TNR: variants seen among roughly 807,000 people sequenced by gnomAD.
TNR encodes the protein tenascin-R.
In TNR, 45 loss-of-function variants were observed where a neutral mutation model predicts 150.4. The observed-to-expected ratio is 0.30, with a 90% CI of 0.24 to 0.38. TNR has a LOEUF of 0.38. Among genes scored for constraint, TNR ranks in the 10% least tolerant of loss-of-function variants. TNR has a pLI of 1.00. For missense variants in TNR, 1,544 were observed against 1,759.1 expected (o/e 0.88, Z 2.19); for synonymous variants, 687 against 678.4 (o/e 1.01, Z -0.20).
chr1:175,666,149 T>C (rs1481789048), intron 1 of TNR, among the ~76,000 whole-genome samples: 3 of 152,222 alleles, frequency 2.0e-5, no homozygotes, highest in African/African-American at 7.2e-5. Flanking sequence ...GTATTATTTA[T>C]TGTACCCATT....
At chr1:175,582,319 CA>C (rs953686011) in intron 1 of TNR, among the ~76,000 whole-genome samples, 1 of 152,150 alleles carries the variant, frequency 6.6e-6, no homozygotes, top group Non-Finnish European at 1.5e-5. Context: ...GTTATTGCTG[CA>C]TTGTTTTCGT....
At chr1:175,362,629 G>T in intron 14 of TNR, 34 bp downstream of exon 14, 3 of 1,604,342 alleles carry the variant, frequency 1.9e-6, no homozygotes, top group Non-Finnish European at 2.6e-6. Context: ...TTCAGCCAGG[G>T]TTCTGACTTG....
At chr1:175,427,293 G>C (rs1655036207) in intron 2 of TNR, among the ~76,000 whole-genome samples, 1 of 151,670 alleles carries the variant, frequency 6.6e-6, no homozygotes, top group African/African-American at 2.4e-5. Context: ...AAATTCTCTA[G>C]TAGCCACACT....
chr1:175,706,508 C>T (rs193239770), intron 1 of TNR, among the ~76,000 whole-genome samples: 3 of 152,278 alleles, frequency 2.0e-5, no homozygotes, highest in African/African-American at 7.2e-5. Flanking sequence ...TGGCCACGTC[C>T]ACCCACTGGT....
At chr1:175,605,452 C>T (rs1284182682) in intron 1 of TNR, among the ~76,000 whole-genome samples, 1 of 152,160 alleles carries the variant, frequency 6.6e-6, no homozygotes, top group Admixed American at 6.5e-5. Context: ...CTATCATGTA[C>T]TAGACATTGT....
chr1:175,469,553 G>C (rs913862684), intron 2 of TNR, among the ~76,000 whole-genome samples: 1 of 152,002 alleles, frequency 6.6e-6, no homozygotes, highest in Non-Finnish European at 1.5e-5. Context: ...CTTCCCAACT[G>C]TTGGGAAGAG....
intron 1 of TNR, among the ~76,000 whole-genome samples, chr1:175,688,082 G>A (rs138332525): frequency 2.7e-4 from 41 of 152,350 alleles, no homozygotes; most frequent in African/African-American, 8.7e-4. Flanking sequence ...GAGAACAAGC[G>A]TCTCACATAG....
intron 1 of TNR, among the ~76,000 whole-genome samples, chr1:175,564,846 T>G (rs1473467360): frequency 3.3e-5 from 5 of 152,218 alleles, no homozygotes; most frequent in African/African-American, 1.2e-4. Flanking sequence ...AGCTTCTTGT[T>G]CTGCCCTTGG....
intron 1 of TNR, among the ~76,000 whole-genome samples, chr1:175,635,088 C>T (rs1210626928): frequency 6.6e-6 from 1 of 152,138 alleles, no homozygotes; most frequent in African/African-American, 2.4e-5. Context: ...TAAGGTATAT[C>T]CCAGAAAACA....
intron 2 of TNR, among the ~76,000 whole-genome samples, chr1:175,515,616 A>G (rs1659372536): frequency 6.6e-6 from 1 of 152,198 alleles, no homozygotes; most frequent in South Asian, 2.1e-4. Context: ...GGCTGGAAAG[A>G]CAAGCCTGGT....
In TNR at chr1:175,676,969, C is replaced by A. The variant is rs116347908; in HGVS notation, c.-165+66257G>T. ...TGTTCCCATTTTCCAGGTGAGAGGA[C>A]TGGGGCTCAGAGGGTAAGTGACCAG... On this transcript the variant is annotated intron_variant, in intron 1 of 22. Transcript: ENST00000367674. 5.4e-3 allele frequency among the ~76,000 whole-genome samples: 830 copies of A among 152,304 alleles called. 7 individuals are homozygous for A. Among genetic ancestry groups the A allele is most frequent in the African/African-American group, 0.019 (799 of 41,576 alleles).
At chr1:175,711,888 A>G (rs1667028219) in intron 1 of TNR, among the ~76,000 whole-genome samples, 1 of 152,210 alleles carries the variant, frequency 6.6e-6, no homozygotes, top group African/African-American at 2.4e-5. Flanking sequence ...ATATAAGTTC[A>G]GTTTTGAACT....
At position 175,363,951 on chromosome 1, in the gene TNR, G is replaced by A. The variant is rs1056371581; in HGVS notation, c.2588-124C>T. 1.3e-5 allele frequency: 15 copies of A among 1,189,424 alleles called. No individual in the cohort carries two copies. In the African/African-American group the frequency reaches 1.9e-4, roughly 15 times the overall value. 73.7% of individuals were successfully genotyped at this position (1,189,424 alleles called of 1,614,324 possible). A position where few individuals can be genotyped will look rare whatever the true frequency, so the allele number is the denominator to read the frequency against. On this transcript the variant is annotated intron_variant, in intron 12 of 22. Coordinates refer to ENST00000367674, the MANE Select transcript of TNR (RefSeq NM_003285.3). Reference sequence around the variant, plus strand: ...CCAAAGGCAGACAAGATCTTTCCATGTAATAGGGTATCTTAAAACCATGGT... The same window carrying A: ...CCAAAGGCAGACAAGATCTTTCCATATAATAGGGTATCTTAAAACCATGGT...
chr1:175,355,521 G>A lies in TNR; in HGVS notation c.3231C>T (p.Ser1077=). The A allele has an allele frequency of 6.2e-7, 1 of 1,613,984 alleles. No homozygotes were observed. Among genetic ancestry groups the A allele is most frequent in the Non-Finnish European group, 8.5e-7 (1 of 1,179,908 alleles). ...EIENYVLTYK[S]TDGSRKELIV... ...ATCTCACCTTGCGGCTTCCATCGGTGGATTTGTAGGTCAAGACATAATTTT... is the reference window on the plus strand; with the variant it reads ...ATCTCACCTTGCGGCTTCCATCGGTAGATTTGTAGGTCAAGACATAATTTT... Residue 1077 remains serine (S), a synonymous_variant, in exon 17 of 23, where the codon TCC becomes TCT. Coordinates refer to ENST00000367674, the MANE Select transcript of TNR (RefSeq NM_003285.3).
intron 2 of TNR, among the ~76,000 whole-genome samples, chr1:175,511,962 T>C (rs1470204050): frequency 6.6e-6 from 1 of 152,194 alleles, no homozygotes; most frequent in African/African-American, 2.4e-5. Flanking sequence ...CAACACATAT[T>C]GGGTAACCAC....
At chr1:175,610,933 T>A (rs924701438) in intron 1 of TNR, among the ~76,000 whole-genome samples, 1 of 152,250 alleles carries the variant, frequency 6.6e-6, no homozygotes, top group Non-Finnish European at 1.5e-5. Flanking sequence ...TAGAGTTTTT[T>A]ACTAACGTAA....
intron 16 of TNR, 42 bp from the exon 17 acceptor site, chr1:175,355,675 G>T (rs376496619): frequency 6.2e-7 from 1 of 1,610,270 alleles, no homozygotes; most frequent in Non-Finnish European, 8.5e-7. Flanking sequence ...TGCCTCTCCA[G>T]CTCCTCCCCC....
chr1:175,375,937 G>C (rs11587430), intron 9 of TNR, among the ~76,000 whole-genome samples: 1 of 152,218 alleles, frequency 6.6e-6, no homozygotes, highest in Non-Finnish European at 1.5e-5. Context: ...ATGTCTTTTA[G>C]ATGAGAGAAC....
chr1:175,605,010 C>T (rs933320472), intron 1 of TNR, among the ~76,000 whole-genome samples: 3 of 152,142 alleles, frequency 2.0e-5, no homozygotes, highest in African/African-American at 7.2e-5. Context: ...GCTTGAAGCT[C>T]ATCTTTATCC....
Sources: gnomAD v4.1 joint callset for allele counts (sites outside exome capture counted in the v4.1 genomes callset) on GRCh38, gnomAD v4.1.1 for gene constraint, MANE v1.5 for transcripts, NCBI Gene and HGNC (gene_info 2026-07-23, HGNC 2026-07-21) for gene names.